Variants in PRR16 observed in about 807,000 individuals in gnomAD.
The protein encoded by PRR16 is proline rich 16, also known as protein Largen.
PRR16 carries 6 observed loss-of-function variants against 18.2 expected under a neutral mutation model. The ratio of observed to expected loss-of-function variants is 0.33; its 90% CI spans 0.18 to 0.65. PRR16 has a LOEUF of 0.65. Ranked by LOEUF, PRR16 falls within the 30% of genes least tolerant of loss-of-function variation. The pLI, the probability that PRR16 is intolerant of heterozygous loss-of-function variation, is 0.74. For synonymous variants in PRR16, 151 were observed against 147.8 expected, an observed-to-expected ratio of 1.02 and a Z score of -0.16; for missense variants, 412 against 376.6, an observed-to-expected ratio of 1.09 and a Z score of -0.78.
At chr5:120,719,346 A>C in the PRR16 span, among the ~76,000 whole-genome samples, 1 of 152,084 alleles carries the variant, frequency 6.6e-6, no homozygotes, top group Admixed American at 6.6e-5. Context: ...ATGTCAGATA[A>C]ATTGTAGAAA....
the PRR16 span, among the ~76,000 whole-genome samples, chr5:120,739,050 C>T: frequency 6.6e-6 from 1 of 152,074 alleles, no homozygotes; most frequent in South Asian, 2.1e-4. Context: ...CTCATGTCTT[C>T]AGGGAACATA....
At chr5:120,678,901 G>A (rs1009225493) in intron 1 of PRR16, among the ~76,000 whole-genome samples, 1 of 151,638 alleles carries the variant, frequency 6.6e-6, no homozygotes, top group Admixed American at 6.6e-5. Context: ...AACTGAATTT[G>A]GATTTCCACA....
intron 1 of PRR16, among the ~76,000 whole-genome samples, chr5:120,538,943 A>G (rs1366761342): frequency 6.6e-6 from 1 of 152,150 alleles, no homozygotes; most frequent in Non-Finnish European, 1.5e-5. Flanking sequence ...ACTGTGAAAA[A>G]ATGAGTGAAG....
In PRR16 at chr5:120,612,902, G is replaced by A. The variant is rs558755602; in HGVS notation, c.160-73052G>A. On this transcript the variant is annotated intron_variant, in intron 1 of 1. Transcript: ENST00000407149. Reference sequence around the variant, plus strand: ...TAATGCATGTATTCCCTTGAGACTGGGCACTCAAATGGGATGATCATATTT... The same window carrying A: ...TAATGCATGTATTCCCTTGAGACTGAGCACTCAAATGGGATGATCATATTT... Among the ~76,000 whole-genome samples, 13 of 152,014 alleles carry A rather than the reference G, an allele frequency of 8.6e-5. No homozygotes were observed. The South Asian group carries it at 1.7e-3, about 19-fold the overall frequency.
At chr5:120,679,599 G>C (rs1206427929) in intron 1 of PRR16, among the ~76,000 whole-genome samples, 2 of 152,074 alleles carry the variant, frequency 1.3e-5, no homozygotes, top group Non-Finnish European at 2.9e-5. Flanking sequence ...CATAGCATCT[G>C]AAAGATTTAC....
chr5:120,649,869 ATCT>A (rs1178926589), intron 1 of PRR16, among the ~76,000 whole-genome samples: 4 of 151,996 alleles, frequency 2.6e-5, no homozygotes, highest in Admixed American at 6.6e-5. Context: ...ACTTATATTA[ATCT>A]TCTATGAATA....
intron 1 of PRR16, among the ~76,000 whole-genome samples, chr5:120,533,644 C>T (rs531393124): frequency 2.6e-5 from 4 of 152,164 alleles, no homozygotes; most frequent in South Asian, 4.2e-4. Flanking sequence ...AAAGCAGGAG[C>T]GTGCCTGGTA....
At chr5:120,757,355 T>G in the PRR16 span, among the ~76,000 whole-genome samples, 1 of 152,082 alleles carries the variant, frequency 6.6e-6, no homozygotes, top group East Asian at 1.9e-4. Context: ...CTGTGAATAA[T>G]AACATTGGTA....
intron 1 of PRR16, among the ~76,000 whole-genome samples, chr5:120,568,704 C>CATATAA: frequency 6.6e-6 from 1 of 152,058 alleles, no homozygotes; most frequent in Non-Finnish European, 1.5e-5. Flanking sequence ...ATTACACATT[C>CATATAA]TTTGGTAATT....
the PRR16 span, among the ~76,000 whole-genome samples, chr5:120,723,722 G>A: frequency 6.6e-6 from 1 of 151,730 alleles, no homozygotes; most frequent in South Asian, 2.1e-4. Flanking sequence ...CTTTTGAATT[G>A]CCTGACATTC....
intron 1 of PRR16, among the ~76,000 whole-genome samples, chr5:120,494,918 T>C (rs958996447): frequency 3.9e-5 from 6 of 152,218 alleles, no homozygotes; most frequent in African/African-American, 1.4e-4. Context: ...GTACTATTTA[T>C]GGATCTGTAT....
chr5:120,677,919 T>TTTC (rs1218255083), intron 1 of PRR16, among the ~76,000 whole-genome samples: 9 of 137,200 alleles, frequency 6.6e-5, no homozygotes, highest in African/African-American at 2.4e-4. Context: ...TTTTTTTTTT[T>TTTC]TTTTTTTTGA....
intron 1 of PRR16, among the ~76,000 whole-genome samples, chr5:120,520,042 T>C (rs1751122464): frequency 6.6e-6 from 1 of 152,132 alleles, no homozygotes; most frequent in African/African-American, 2.4e-5. Context: ...TAAGAAACAT[T>C]GCAGGAATGA....
At chr5:120,547,647 C>G (rs1752116038) in intron 1 of PRR16, among the ~76,000 whole-genome samples, 1 of 151,766 alleles carries the variant, frequency 6.6e-6, no homozygotes, top group Non-Finnish European at 1.5e-5. Flanking sequence ...TTGTTATCTG[C>G]CACAGGATGT....
At chr5:120,671,534 T>C (rs78172117) in intron 1 of PRR16, among the ~76,000 whole-genome samples, 1 of 152,152 alleles carries the variant, frequency 6.6e-6, no homozygotes, top group Non-Finnish European at 1.5e-5. Flanking sequence ...CTGATCTTTT[T>C]AACAAGTAAT....
chr5:120,561,809 T>C (rs1580726716), intron 1 of PRR16, among the ~76,000 whole-genome samples: 1 of 152,260 alleles, frequency 6.6e-6, no homozygotes, highest in Non-Finnish European at 1.5e-5. Context: ...AACCTGTTTC[T>C]CTTTGCCCTC....
intron 1 of PRR16, among the ~76,000 whole-genome samples, chr5:120,580,701 C>T (rs1472948549): frequency 6.6e-6 from 1 of 152,050 alleles, no homozygotes; most frequent in Non-Finnish European, 1.5e-5. Flanking sequence ...ATGATCTGCC[C>T]ACCTCAGCCT....
intron 1 of PRR16, among the ~76,000 whole-genome samples, chr5:120,567,340 T>G (rs1752769340): frequency 2.0e-5 from 3 of 152,164 alleles, no homozygotes; most frequent in Admixed American, 2.0e-4. Context: ...TCTGAGAGAC[T>G]GGACGTTGGC....
At chr5:120,747,179 C>A in the PRR16 span, among the ~76,000 whole-genome samples, 1 of 151,996 alleles carries the variant, frequency 6.6e-6, no homozygotes, top group African/African-American at 2.4e-5. Context: ...CATACAAGAC[C>A]CCAAAGGACA....
Sources: allele counts gnomAD v4.1 joint callset (sites outside exome capture counted in the v4.1 genomes callset), GRCh38; gene constraint gnomAD v4.1.1; transcripts MANE v1.5; gene names NCBI Gene and HGNC (gene_info 2026-07-23, HGNC 2026-07-21).